EPB41L2: variants seen among roughly 807,000 people sequenced by gnomAD.
EPB41L2 encodes band 4.1-like protein 2.
Under a neutral mutation model 113.0 loss-of-function variants are expected in EPB41L2, and 43 were observed. The ratio of observed to expected loss-of-function variants is 0.38; its 90% CI spans 0.30 to 0.49. The LOEUF (loss-of-function observed/expected upper bound fraction) is 0.49. Among genes scored for constraint, EPB41L2 ranks in the 20% least tolerant of loss-of-function variants. The pLI is 0.95. For missense variants in EPB41L2, 1,147 were observed against 1,223.4 expected, an observed-to-expected ratio of 0.94 and a Z score of 0.93; for synonymous variants, 442 against 436.7, an observed-to-expected ratio of 1.01 and a Z score of -0.15.
intron 4 of EPB41L2, among the ~76,000 whole-genome samples, chr6:130,922,802 T>C (rs895929477): frequency 6.6e-6 from 1 of 152,160 alleles, no homozygotes; most frequent in Non-Finnish European, 1.5e-5. Context: ...TACAAAGAAG[T>C]ACTCCTGGTT....
At chr6:131,025,841 A>C (rs1209646774) in intron 1 of EPB41L2, among the ~76,000 whole-genome samples, 1 of 152,194 alleles carries the variant, frequency 6.6e-6, no homozygotes, top group African/African-American at 2.4e-5. Context: ...CCCTGCCAGC[A>C]ATCTTGGTCC....
Position 130,904,932 on chromosome 6 carries a change from A to T in EPB41L2, c.854-392T>A, listed in dbSNP as rs1470315428. Among the ~76,000 whole-genome samples, 15 of 17,548 alleles carry T rather than the reference A, an allele frequency of 8.5e-4. No individual in the cohort carries two copies. In the South Asian group the frequency reaches 0.037, roughly 44 times the overall value. 11.5% of individuals were successfully genotyped at this position (17,548 alleles called of 152,430 possible). On this transcript the variant is annotated intron_variant, in intron 5 of 19. Transcript: ENST00000337057. ...TTCTCCACCCTTTTTTTTTTTTTTA[A>T]AATTCAGGATTTTCTACATTGTTGT...
At chr6:131,034,269 T>TG (rs568183035) in intron 1 of EPB41L2, among the ~76,000 whole-genome samples, 244 of 152,072 alleles carry the variant, frequency 1.6e-3, no homozygotes, top group Non-Finnish European at 2.5e-3. Context: ...TATTGGGGGT[T>TG]GGGGGGGACA....
chr6:130,953,072 C>T (rs1286017517), intron 3 of EPB41L2, among the ~76,000 whole-genome samples: 2 of 150,134 alleles, frequency 1.3e-5, no homozygotes, highest in East Asian at 3.9e-4. Context: ...GATGAAGAAA[C>T]TGAGGTCTAC....
chr6:130,878,758 G>A (rs954085167), intron 13 of EPB41L2: 1 of 152,340 alleles, frequency 6.6e-6, no homozygotes, highest in Non-Finnish European at 1.5e-5. Context: ...GCCAGACCAG[G>A]ATCAACCCCC....
chr6:130,878,066 T>C, intron 14 of EPB41L2, 38 bp downstream of exon 14: 1 of 1,527,676 alleles, frequency 6.5e-7, no homozygotes, highest in African/African-American at 1.4e-5. Flanking sequence ...ATTGAGCAAC[T>C]GAAGTGAGAC....
chr6:130,845,372 G>T (rs1583466949), intron 19 of EPB41L2, among the ~76,000 whole-genome samples: 1 of 98,994 alleles, frequency 1.0e-5, no homozygotes, highest in African/African-American at 4.3e-5. Flanking sequence ...CTATATTTGA[G>T]GTAACCTTAT....
At chr6:131,001,872 G>C (rs1784442608) in intron 1 of EPB41L2, among the ~76,000 whole-genome samples, 1 of 152,126 alleles carries the variant, frequency 6.6e-6, no homozygotes, top group South Asian at 2.1e-4. Flanking sequence ...GATAAAGAAA[G>C]CCGAGAAATG....
chr6:130,981,474 A>G (rs1779366519), intron 1 of EPB41L2, among the ~76,000 whole-genome samples: 1 of 152,246 alleles, frequency 6.6e-6, no homozygotes, highest in African/African-American at 2.4e-5. Flanking sequence ...GAAGACCACC[A>G]TCACCACCAG....
chr6:131,034,732 C>T (rs1482617796), intron 1 of EPB41L2, among the ~76,000 whole-genome samples: 2 of 152,114 alleles, frequency 1.3e-5, no homozygotes. Flanking sequence ...TTGAAATGTC[C>T]TGAAAACTAT....
chr6:130,948,843 GCA>G (rs1297368734), intron 3 of EPB41L2, among the ~76,000 whole-genome samples: 1 of 152,204 alleles, frequency 6.6e-6, no homozygotes, highest in Admixed American at 6.5e-5. Context: ...ATATAATTCT[GCA>G]CATGTGTGCA....
At chr6:130,978,522 A>G (rs1293727702) in intron 1 of EPB41L2, 1 of 152,232 alleles carries the variant, frequency 6.6e-6, no homozygotes, top group East Asian at 1.9e-4. Context: ...CCTAACCACA[A>G]GTGCCAAGAT....
chr6:130,880,918 T>C (rs1455360694), intron 12 of EPB41L2: 1 of 160,082 alleles, frequency 6.2e-6, no homozygotes, highest in African/African-American at 2.4e-5. Context: ...CAACCTATGA[T>C]TCAGTTTGTT....
At chr6:130,856,005 C>T (rs564101146) in intron 19 of EPB41L2, among the ~76,000 whole-genome samples, 61 of 152,190 alleles carry the variant, frequency 4.0e-4, no homozygotes, top group African/African-American at 1.4e-3. Context: ...GAAACACCCC[C>T]ACACATAAGA....
chr6:130,930,932 A>G (rs915704339), intron 3 of EPB41L2, among the ~76,000 whole-genome samples: 12 of 152,208 alleles, frequency 7.9e-5, no homozygotes, highest in African/African-American at 1.4e-4. Flanking sequence ...AATGAAAACT[A>G]TAGTAACTAA....
chr6:130,970,743 T>TAAA (rs1776574289), intron 1 of EPB41L2, among the ~76,000 whole-genome samples: 1 of 152,176 alleles, frequency 6.6e-6, no homozygotes, highest in East Asian at 1.9e-4. Flanking sequence ...GTACACAACA[T>TAAA]AAAGTAGTCC....
chr6:130,882,799 A>T (rs946566664), intron 12 of EPB41L2: 2 of 152,902 alleles, frequency 1.3e-5, no homozygotes, highest in African/African-American at 4.8e-5. Flanking sequence ...ATCCATCTTC[A>T]TCAAGAAGGG....
chr6:130,866,634 A>G (rs1057034859), intron 16 of EPB41L2, among the ~76,000 whole-genome samples: 1 of 152,210 alleles, frequency 6.6e-6, no homozygotes, highest in Non-Finnish European at 1.5e-5. Flanking sequence ...CATGCATTAA[A>G]CCTTTTAAAA....
At chr6:131,001,688 G>A (rs1012517977) in intron 1 of EPB41L2, among the ~76,000 whole-genome samples, 7 of 151,964 alleles carry the variant, frequency 4.6e-5, no homozygotes, top group African/African-American at 1.7e-4. Flanking sequence ...CTAATATTTG[G>A]CTGTTTATCC....
Sources: gnomAD v4.1 joint callset for allele counts (sites outside exome capture counted in the v4.1 genomes callset) on GRCh38, gnomAD v4.1.1 for gene constraint, MANE v1.5 for transcripts, NCBI Gene and HGNC (gene_info 2026-07-23, HGNC 2026-07-21) for gene names.